MAF: variants seen among roughly 807,000 people sequenced by gnomAD.
The protein encoded by MAF is transcription factor Maf.
In MAF, 10 loss-of-function variants were observed where a neutral mutation model predicts 22.0. The ratio of observed to expected loss-of-function variants is 0.45; its 90% CI spans 0.28 to 0.77. The LOEUF is 0.77. MAF is among the 30% of genes least tolerant of loss of function. MAF has a pLI of 0.12. For synonymous variants in MAF, 337 were observed against 255.8 expected (o/e 1.32, Z -3.03); for missense variants, 544 against 548.4 (o/e 0.99, Z 0.08).
chr16:79,218,701 CT>C, the MAF span, among the ~76,000 whole-genome samples: 4 of 152,196 alleles, frequency 2.6e-5, no homozygotes, highest in Non-Finnish European at 4.4e-5. Flanking sequence ...AGCATTCTGT[CT>C]TTCATTTTCC....
intron 1 of MAF, chr16:79,597,670 A>T: frequency 9.8e-7 from 1 of 1,020,614 alleles, no homozygotes; most frequent in Non-Finnish European, 1.2e-6. Context: ...TTTGTTCTAA[A>T]CTCAAAAAAG....
the MAF span, among the ~76,000 whole-genome samples, chr16:79,503,251 C>T: frequency 2.0e-5 from 3 of 152,146 alleles, 1 homozygote; most frequent in South Asian, 4.1e-4. Flanking sequence ...TCACTCAACA[C>T]GTTTTTATTG....
chr16:79,232,252 T>C, the MAF span, among the ~76,000 whole-genome samples: 1 of 152,096 alleles, frequency 6.6e-6, no homozygotes, highest in Non-Finnish European at 1.5e-5. Flanking sequence ...TTACATATAC[T>C]GTGGTCTATT....
At chr16:79,219,548 C>CAAA in the MAF span, among the ~76,000 whole-genome samples, 5 of 64,732 alleles carry the variant, frequency 7.7e-5, no homozygotes, top group South Asian at 1.7e-3. Flanking sequence ...GACTCTGCCT[C>CAAA]AAAAAAAAAA....
At chr16:79,541,477 GA>G in the MAF span, among the ~76,000 whole-genome samples, 2,040 of 145,156 alleles carry the variant, frequency 0.014, 48 homozygotes, top group African/African-American at 0.046. Context: ...CAAACCACCA[GA>G]AAAAAAAAAA....
chr16:79,304,052 A>T, the MAF span, among the ~76,000 whole-genome samples: 1 of 152,242 alleles, frequency 6.6e-6, no homozygotes, highest in Admixed American at 6.5e-5. Flanking sequence ...CTATAAAGAA[A>T]TATGGGTGGG....
chr16:79,376,683 C>G, the MAF span, among the ~76,000 whole-genome samples: 1 of 152,148 alleles, frequency 6.6e-6, no homozygotes, highest in Admixed American at 6.5e-5. Flanking sequence ...TCTCCTCCCC[C>G]CACCCTACAA....
At chr16:79,506,533 G>C in the MAF span, among the ~76,000 whole-genome samples, 1 of 152,242 alleles carries the variant, frequency 6.6e-6, no homozygotes, top group Non-Finnish European at 1.5e-5. Flanking sequence ...AGAGAATGTG[G>C]GGAAGACCTG....
the MAF span, among the ~76,000 whole-genome samples, chr16:79,541,639 G>A: frequency 6.6e-6 from 1 of 151,284 alleles, no homozygotes; most frequent in African/African-American, 2.4e-5. Context: ...CTTGTTACCA[G>A]CTAAGCTACT....
At chr16:79,220,485 G>A in the MAF span, among the ~76,000 whole-genome samples, 104,163 of 151,898 alleles carry the variant, frequency 0.69, 36,698 homozygotes, top group African/African-American at 0.75. Context: ...TTCAAACTAA[G>A]TAAATTATTT....
the MAF span, among the ~76,000 whole-genome samples, chr16:79,391,932 G>A: frequency 6.7e-6 from 1 of 148,546 alleles, no homozygotes; most frequent in Non-Finnish European, 1.5e-5. Context: ...GGAGAAGGAG[G>A]AGGGGGAAGA....
chr16:79,476,687 C>T, the MAF span, among the ~76,000 whole-genome samples: 1 of 152,108 alleles, frequency 6.6e-6, no homozygotes, highest in East Asian at 1.9e-4. Flanking sequence ...AAAGTGCCTA[C>T]CTATGTTAGG....
At chr16:79,306,213 G>T in the MAF span, among the ~76,000 whole-genome samples, 1 of 152,168 alleles carries the variant, frequency 6.6e-6, no homozygotes. Context: ...CTGCCCCAAA[G>T]CGTCAAATAT....
At chr16:79,247,298 G>C in the MAF span, among the ~76,000 whole-genome samples, 12 of 152,210 alleles carry the variant, frequency 7.9e-5, no homozygotes, top group African/African-American at 2.9e-4. Flanking sequence ...GAAATTACTG[G>C]CATGTCAATG....
At chr16:79,230,127 T>C in the MAF span, among the ~76,000 whole-genome samples, 1 of 152,172 alleles carries the variant, frequency 6.6e-6, no homozygotes, top group Non-Finnish European at 1.5e-5. Flanking sequence ...TGAGTGACTC[T>C]GTAGGCAAGC....
the MAF span, among the ~76,000 whole-genome samples, chr16:79,334,493 C>A: frequency 2.0e-5 from 3 of 152,094 alleles, no homozygotes; most frequent in Admixed American, 2.0e-4. Flanking sequence ...ATATCTTGAC[C>A]AAGGAGGTGG....
the MAF span, among the ~76,000 whole-genome samples, chr16:79,303,716 A>C: frequency 6.6e-6 from 1 of 152,166 alleles, no homozygotes; most frequent in East Asian, 1.9e-4. Flanking sequence ...ACCCGTAAGA[A>C]AGAGTGCTAT....
the MAF span, among the ~76,000 whole-genome samples, chr16:79,251,290 GTTA>G: frequency 0.012 from 1,834 of 149,272 alleles, 124 homozygotes; most frequent in Admixed American, 0.11. Flanking sequence ...TGCTGTTATG[GTTA>G]TTATTTCTTT....
chr16:79,327,304 C>T, the MAF span, among the ~76,000 whole-genome samples: 18,105 of 152,074 alleles, frequency 0.12, 1,124 homozygotes, highest in African/African-American at 0.15. Context: ...TACACATTCC[C>T]GTTTTCTGGG....
Sources: gnomAD v4.1 joint callset for allele counts (sites outside exome capture counted in the v4.1 genomes callset) on GRCh38, gnomAD v4.1.1 for gene constraint, MANE v1.5 for transcripts, NCBI Gene and HGNC (gene_info 2026-07-23, HGNC 2026-07-21) for gene names.